The following DNAH1 variants were observed in gnomAD, a reference collection of about 807,000 sequenced individuals.
DNAH1 encodes the protein axonemal beta dynein heavy chain 1.
DNAH1 carries 327 observed loss-of-function variants against 484.3 expected under a neutral mutation model. The observed-to-expected ratio is 0.68, with a 90% CI of 0.62 to 0.74. The LOEUF (loss-of-function observed/expected upper bound fraction) is 0.74. Ranked by LOEUF, DNAH1 falls within the 30% of genes least tolerant of loss-of-function variation. DNAH1 has a pLI of 0.00. For synonymous variants in DNAH1, 2,192 were observed against 2,191.9 expected (o/e 1.00, Z 0.00); for missense variants, 5,052 against 5,546.8 (o/e 0.91, Z 2.83).
rs1225667265 is a variant in DNAH1, at chr3:52,394,628, T to C, written c.10790T>C (p.Phe3597Ser). ...SSDFVKHLSE[F>S]RVIFDSLEPH... ...GACTTCGTGAAGCACCTCTCAGAAT[T>C]CCGGGTCATCTTCGACAGCCTTGAG... The change falls in exon 67 of 78, where the codon TTC becomes TCC. Residue 3597 changes from phenylalanine (F) to serine (S), a missense_variant. Around this residue, in one of 4 missense-constraint regions of DNAH1, gnomAD observed 853 missense variants for 899.0 expected, o/e 0.95. Transcript: ENST00000420323. 4 of 1,589,864 alleles carry C rather than the reference T, an allele frequency of 2.5e-6. No individual in the cohort carries two copies. The highest frequency in any genetic ancestry group is 3.4e-6 in the Non-Finnish European group (4 of 1,165,340).
chr3:52,400,037 T>C (rs968282979), intron 77 of DNAH1, among the ~76,000 whole-genome samples: 5 of 152,282 alleles, frequency 3.3e-5, no homozygotes, highest in Admixed American at 6.5e-5. Context: ...CAGCCTGTCA[T>C]TGGGAGTTCA....
intron 60 of DNAH1, among the ~76,000 whole-genome samples, chr3:52,390,371 G>A (rs769239316): frequency 2.6e-5 from 4 of 152,192 alleles, no homozygotes; most frequent in Non-Finnish European, 5.9e-5. Flanking sequence ...AGGCTGAGAT[G>A]GGAGGATCAC....
chr3:52,368,656 C>T lies in DNAH1; in HGVS notation c.5766-85C>T, dbSNP rs564702075. ...TGAAGGAAAGTAGAGCCCGCCCACCCGGCGGCCAGGCTTCCCTGGGAGCCA... is the reference window on the plus strand; with the variant it reads ...TGAAGGAAAGTAGAGCCCGCCCACCTGGCGGCCAGGCTTCCCTGGGAGCCA... On this transcript the variant is annotated intron_variant, in intron 36 of 77. Transcript: ENST00000420323. This position sits in a 1 kb window ranked among gnomAD's most constrained non-coding sequence, Gnocchi z 4.4. 80 of 1,435,192 alleles carry T rather than the reference C, an allele frequency of 5.6e-5. No individual in the cohort carries two copies. The highest frequency in any genetic ancestry group is 2.6e-4 in the Middle Eastern group (1 of 3,912). The allele number at this position is 1,435,192 out of a possible 1,614,324, so 88.9% of individuals were successfully genotyped here. A position where few individuals can be genotyped will look rare whatever the true frequency, so the allele number is the denominator to read the frequency against.
At chr3:52,356,829 T>A (rs1702630629) in intron 22 of DNAH1, 51 bp downstream of exon 22, 4 of 1,550,712 alleles carry the variant, frequency 2.6e-6, no homozygotes, top group Non-Finnish European at 3.5e-6. Flanking sequence ...AGGGCCCTGG[T>A]CACATTGCTG....
intron 15 of DNAH1, 48 bp downstream of exon 15, chr3:52,350,156 G>GTT (rs1559513880): frequency 6.3e-7 from 1 of 1,592,510 alleles, no homozygotes; most frequent in South Asian, 1.1e-5. Context: ...CAGGGCTGGT[G>GTT]TTAAGAGTCC....
In DNAH1 at chr3:52,396,380, T is replaced by G. The variant is rs1378024696; in HGVS notation, c.11272T>G (p.Phe3758Val). 1.3e-6 allele frequency: 2 copies of G among 1,577,820 alleles called. No individual in the cohort carries two copies. Among genetic ancestry groups the G allele is most frequent in the South Asian group, 2.3e-5 (2 of 85,988 alleles). The change falls in exon 71 of 78, where the codon TTC (phenylalanine) becomes GTC (valine). Residue 3758 changes from phenylalanine to valine, a missense_variant. By Grantham distance (50) the Phe-to-Val change is conservative. Coordinates refer to ENST00000420323, the MANE Select transcript of DNAH1 (RefSeq NM_015512.5). ...CCATGGCCACCAGGTACACAGGGAC[T>G]TCCGCCTCTGGCTCACCAGCCTGCC... is the stretch of plus-strand genomic sequence containing the variant. ...HINPDKVHRD[F>V]RLWLTSLPSN...
intron 14 of DNAH1, among the ~76,000 whole-genome samples, 163 bp downstream of exon 14, chr3:52,349,583 C>T (rs1702288245): frequency 6.6e-6 from 1 of 152,214 alleles, no homozygotes; most frequent in African/African-American, 2.4e-5. Context: ...CCCATCCCTG[C>T]CTGTCTGCAG....
intron 73 of DNAH1, 76 bp from the exon 74 acceptor site, chr3:52,397,631 T>A: frequency 7.5e-7 from 1 of 1,341,622 alleles, no homozygotes; most frequent in Non-Finnish European, 1.0e-6. Flanking sequence ...AGTGGGGATG[T>A]GCTCCATTGG....
Position 52,392,646 on chromosome 3 carries a change from TC to T in DNAH1, c.10236del (p.Lys3413ArgfsTer8). ...EGNPVDDMEL[I>X]KVLEASKMKA... ...AACCCTGTAGATGACATGGAACTCA[TC>T]AAGGTGCTGGAAGCCTCCAAGATGA... On this transcript the variant is annotated frameshift_variant, in exon 64 of 78. Coordinates refer to ENST00000420323, the MANE Select transcript of DNAH1 (RefSeq NM_015512.5). LOFTEE classifies it high-confidence loss of function. 6.2e-7 allele frequency: 1 copy of T among 1,611,152 alleles called. No homozygotes were observed. Among genetic ancestry groups the T allele is most frequent in the Non-Finnish European group, 8.5e-7 (1 of 1,178,674 alleles).
chr3:52,336,316 C>T (rs998178643), intron 8 of DNAH1, among the ~76,000 whole-genome samples: 1 of 152,024 alleles, frequency 6.6e-6, no homozygotes, highest in Admixed American at 6.6e-5. Flanking sequence ...TTTGGGAGGC[C>T]GAGCAAGGTG....
In DNAH1 at chr3:52,399,123, G is replaced by A; in HGVS notation, c.12363G>A (p.Gln4121=). 1 of 1,614,018 alleles carries A rather than the reference G, an allele frequency of 6.2e-7. No homozygotes were observed. The highest frequency in any genetic ancestry group is 2.2e-5 in the East Asian group (1 of 44,888). ...VFWISGFFFP[Q]AFLTGTLQNF... Reference sequence around the variant, plus strand: ...GGATCAGTGGATTCTTCTTCCCCCAGGCTTTCTTAACAGGCACTCTGCAGA... The same window carrying A: ...GGATCAGTGGATTCTTCTTCCCCCAAGCTTTCTTAACAGGCACTCTGCAGA... The change falls in exon 76 of 78, where the codon CAG becomes CAA. Residue 4121 remains glutamine, a synonymous_variant. Coordinates refer to ENST00000420323, the MANE Select transcript of DNAH1 (RefSeq NM_015512.5).
chr3:52,361,521 G>A lies in DNAH1; in HGVS notation c.4875-140G>A, dbSNP rs142175742. Reference sequence around the variant, plus strand: ...CCTGGGGGCATTGGGGTGGGGAGTGGCAGTGGGTTGAAGACTGAGCTGATG... The same window carrying A: ...CCTGGGGGCATTGGGGTGGGGAGTGACAGTGGGTTGAAGACTGAGCTGATG... On this transcript the variant is annotated intron_variant, in intron 29 of 77. Coordinates refer to ENST00000420323, the MANE Select transcript of DNAH1 (RefSeq NM_015512.5). This position sits in a 1 kb window ranked among gnomAD's most constrained non-coding sequence, Gnocchi z 5.6. 486 of 1,214,448 alleles carry A rather than the reference G, an allele frequency of 4.0e-4. 1 individual carries two copies. In the African/African-American group the frequency reaches 6.6e-3, roughly 16 times the overall value. 75.2% of individuals were successfully genotyped at this position (1,214,448 alleles called of 1,614,324 possible).
At chr3:52,383,253 T>C (rs1487269449) in intron 50 of DNAH1, 133 bp from the exon 51 acceptor site, 4 of 793,812 alleles carry the variant, frequency 5.0e-6, no homozygotes, top group African/African-American at 3.5e-5. Flanking sequence ...GAGGTCACTT[T>C]TGTGACTCTG....
rs754557959 is a variant in DNAH1 at position 52,377,215 on chromosome 3, C to T, written c.7198+1222C>T. Among the ~76,000 whole-genome samples the T allele has an allele frequency of 5.3e-5, 8 of 152,234 alleles. No homozygotes were observed. In the East Asian group the frequency reaches 1.4e-3, roughly 26 times the overall value. ...CCAAACTCCCGAGTACCCCGGTCCC[C>T]GCACTCTTCCCATCTCAGGCAATGG... On this transcript the variant is annotated intron_variant, in intron 46 of 77. Transcript: ENST00000420323.
intron 8 of DNAH1, among the ~76,000 whole-genome samples, chr3:52,334,708 G>A (rs370369406): frequency 6.6e-6 from 1 of 152,246 alleles, no homozygotes; most frequent in South Asian, 2.1e-4. Flanking sequence ...CCCTAGAATC[G>A]CCTGAACCTG....
chr3:52,395,032 C>T lies in DNAH1; in HGVS notation c.10941C>T (p.Asn3647=), dbSNP rs757317940. The change falls in exon 68 of 78, where the codon AAC becomes AAT. Residue 3647 remains asparagine (N), a synonymous_variant. Coordinates refer to ENST00000420323, the MANE Select transcript of DNAH1 (RefSeq NM_015512.5). This position sits in a 1 kb window ranked among gnomAD's most constrained non-coding sequence, Gnocchi z 4.4. ...TNAMQDFVAT[N]LEPRFIEPQT... is the part of the protein sequence containing the mutation. ...CCATGCAGGACTTTGTGGCCACCAACCTGGAGCCACGCTTCATTGAACCCC... is the reference window on the plus strand; with the variant it reads ...CCATGCAGGACTTTGTGGCCACCAATCTGGAGCCACGCTTCATTGAACCCC... 5 of 1,610,548 alleles carry T rather than the reference C, an allele frequency of 3.1e-6. 1 individual carries two copies. The South Asian group carries it at 4.4e-5, about 14-fold the overall frequency.
In DNAH1 at chr3:52,358,736, C is replaced by T. The variant is rs745784100; in HGVS notation, c.4265C>T (p.Thr1422Met). 9.9e-6 allele frequency: 16 copies of T among 1,611,910 alleles called. No homozygotes were observed. Among genetic ancestry groups the T allele is most frequent in the Middle Eastern group, 1.7e-4 (1 of 5,876 alleles). ...IIEKAIRAYP[T>M]MPRTQWVLNW... is the part of the protein sequence containing the mutation. ...GAGAAGGCCATCAGGGCCTACCCCA[C>T]GGTGAGCCGCCCGCAGCCCGTGCAG... is the stretch of plus-strand genomic sequence containing the variant. Residue 1422 changes from threonine to methionine, a missense_variant and splice_region_variant, in exon 25 of 78, where the codon ACG becomes ATG. Thr to Met is a moderately conservative substitution (Grantham distance 81, BLOSUM62 -1). Coordinates refer to ENST00000420323, the MANE Select transcript of DNAH1 (RefSeq NM_015512.5). This position sits in a 1 kb window ranked among gnomAD's most constrained non-coding sequence, Gnocchi z 4.2.
In DNAH1 at chr3:52,357,552, G is replaced by A. The variant is rs1183768497; in HGVS notation, c.3859-62G>A. 7 of 1,560,680 alleles carry A rather than the reference G, an allele frequency of 4.5e-6. No homozygotes were observed. The South Asian group carries it at 7.0e-5, about 16-fold the overall frequency. Reference sequence around the variant, plus strand: ...GGCTGGTGTGGGTGCTCTGGGATGAGCCTATCTTGCTACCTGGACCATGCT... The same window carrying A: ...GGCTGGTGTGGGTGCTCTGGGATGAACCTATCTTGCTACCTGGACCATGCT... On this transcript the variant is annotated intron_variant, in intron 22 of 77. Transcript: ENST00000420323.
rs751971561 is a variant in DNAH1 at position 52,344,478 on chromosome 3, C to G, written c.1287-12C>G. ...AGCCCCTGATTCCCCCATCTCCCATCTCTATGGGCAGGGTTCTAGAGCACC... is the reference window on the plus strand; with the variant it reads ...AGCCCCTGATTCCCCCATCTCCCATGTCTATGGGCAGGGTTCTAGAGCACC... On this transcript the variant is annotated splice_polypyrimidine_tract_variant and intron_variant, in intron 8 of 77. Transcript: ENST00000420323. The G allele has an allele frequency of 8.7e-6, 14 of 1,610,852 alleles. No individual in the cohort carries two copies. The South Asian group carries it at 1.5e-4, about 18-fold the overall frequency.
Sources: gnomAD v4.1 joint callset for allele counts (sites outside exome capture counted in the v4.1 genomes callset) on GRCh38, gnomAD v4.1.1 for gene constraint, gnomAD v4.1.1 regional missense constraint, Gnocchi (gnomAD v3.1) non-coding constraint, MANE v1.5 for transcripts, NCBI Gene and HGNC (gene_info 2026-07-23, HGNC 2026-07-21) for gene names.